CAPG: variants seen among roughly 807,000 people sequenced by gnomAD.
CAPG encodes the protein macrophage-capping protein.
A neutral mutation model predicts 44.6 loss-of-function variants in CAPG; 32 were observed. The ratio of observed to expected loss-of-function variants is 0.72; its 90% CI spans 0.54 to 0.96. CAPG has a LOEUF of 0.96. Among genes scored for constraint, CAPG ranks in the 50% least tolerant of loss-of-function variants. The probability of loss-of-function intolerance (pLI) is 0.00; values close to 1 mark genes in which losing one functional copy is unlikely to be tolerated. For missense variants in CAPG, 412 were observed against 438.3 expected (o/e 0.94, Z 0.54); for synonymous variants, 175 against 179.6 (o/e 0.97, Z 0.20).
chr2:85,413,218 A>G (rs1278203444), upstream of CAPG: 1 of 152,134 alleles, frequency 6.6e-6, no homozygotes, highest in African/African-American at 2.4e-5. Flanking sequence ...TGTTCCTCAC[A>G]CTCAGCTGTC....
upstream of CAPG, among the ~76,000 whole-genome samples, chr2:85,411,768 C>T (rs551217700): frequency 1.6e-4 from 25 of 152,272 alleles, no homozygotes; most frequent in South Asian, 5.2e-3. Flanking sequence ...GGAGAAAATA[C>T]AGTACTGGAT....
chr2:85,400,660 T>C (rs2104804369), intron 5 of CAPG, among the ~76,000 whole-genome samples: 1 of 152,152 alleles, frequency 6.6e-6, no homozygotes, highest in East Asian at 1.9e-4. Flanking sequence ...ATAGGTCTAG[T>C]CCAATGTCAC....
At chr2:85,412,220 AG>A (rs1183251886), upstream of CAPG, among the ~76,000 whole-genome samples, 1 of 152,116 alleles carries the variant, frequency 6.6e-6, no homozygotes, top group Non-Finnish European at 1.5e-5. Context: ...GCTTAAAAAT[AG>A]GGTAATATGG....
chr2:85,399,419 A>T, intron 5 of CAPG, 134 bp from the exon 6 acceptor site: 1 of 900,064 alleles, frequency 1.1e-6, no homozygotes, highest in Non-Finnish European at 1.7e-6. Context: ...AAGGCAGAGC[A>T]CAGCACAGAG....
upstream of CAPG, among the ~76,000 whole-genome samples, chr2:85,412,710 GA>G (rs1558739805): frequency 6.6e-6 from 1 of 151,316 alleles, no homozygotes. Flanking sequence ...GTTTAAAAAA[GA>G]AAAAAAAGGA....
chr2:85,417,091 G>C (rs1407395479), intron 1 of CAPG, among the ~76,000 whole-genome samples: 1 of 152,208 alleles, frequency 6.6e-6, no homozygotes, highest in Non-Finnish European at 1.5e-5. Flanking sequence ...CCTGGGGAGG[G>C]CACCAGGTGC....
At position 85,401,850 on chromosome 2, in the gene CAPG, G is replaced by A. The variant is rs373269135; in HGVS notation, c.131C>T (p.Ser44Leu). The change falls in exon 3 of 10, where the codon TCG becomes TTG. Residue 44 changes from serine to leucine, a missense_variant. Physicochemically the swap from Ser to Leu is moderately radical, Grantham distance 145 (BLOSUM62 -2). Transcript: ENST00000263867. ...VAQENQGVFF[S>L]GDSYLVLHNG... ...GTGCAGCACTAGGTAGGAGTCCCCC[G>A]AGAAGAAGACGCCCTGGTTCTCTTG... The A allele has an allele frequency of 5.1e-5, 83 of 1,614,068 alleles. No individual in the cohort carries two copies. The highest frequency in any genetic ancestry group is 1.3e-4 in the East Asian group (6 of 44,858).
intron 2 of CAPG, 76 bp downstream of exon 2, chr2:85,402,047 G>C: frequency 6.2e-7 from 1 of 1,608,770 alleles, no homozygotes; most frequent in Non-Finnish European, 8.5e-7. Flanking sequence ...CTGGGGATGA[G>C]GAGAGCAGTG....
downstream of CAPG, among the ~76,000 whole-genome samples, chr2:85,392,166 G>A (rs1174334326): frequency 1.3e-5 from 2 of 152,176 alleles, no homozygotes; most frequent in Admixed American, 6.5e-5. Context: ...CGAGGCGGGT[G>A]GATCACGAGG....
At position 85,402,219 on chromosome 2, in the gene CAPG, GGC is replaced by G. The variant is rs979709008; in HGVS notation, c.-13-63_-13-62del. The G allele has an allele frequency of 2.5e-5, 34 of 1,387,542 alleles. No homozygotes were observed. In the African/African-American group the frequency reaches 4.3e-4, roughly 18 times the overall value. The allele number at this position is 1,387,542 out of a possible 1,614,324, so 86.0% of individuals were successfully genotyped here. A position where few individuals can be genotyped will look rare whatever the true frequency, so the allele number is the denominator to read the frequency against. On this transcript the variant is annotated intron_variant, in intron 1 of 9. Coordinates refer to ENST00000263867, the MANE Select transcript of CAPG (RefSeq NM_001747.4). The stretch of plus-strand genomic sequence containing the variant: ...GCCACAAAAAGGACCTCTCACGTGG[GGC>G]TGGAGAGGCCCTTTCCAGTGGCCAA...
intron 7 of CAPG, 151 bp downstream of exon 7, chr2:85,398,539 T>G: frequency 1.5e-6 from 1 of 667,542 alleles, no homozygotes; most frequent in Non-Finnish European, 2.6e-6. Context: ...CTTGTCTCAC[T>G]CCCAGCCCTG....
chr2:85,401,776 T>G lies in CAPG; in HGVS notation c.196+9A>C. ...TGGGCCCAACCTTCCCCCATCCAGA[T>G]CCCCTTACCTATCCACAGGTGCAGA... On this transcript the variant is annotated intron_variant, in intron 3 of 9. Coordinates refer to ENST00000263867, the MANE Select transcript of CAPG (RefSeq NM_001747.4). 6.2e-7 allele frequency: 1 copy of G among 1,612,110 alleles called. No individual in the cohort carries two copies. Among genetic ancestry groups the G allele is most frequent in the South Asian group, 1.1e-5 (1 of 91,016 alleles).
chr2:85,406,260 AAAAAG>A (rs1408644499), intron 1 of CAPG, among the ~76,000 whole-genome samples: 14 of 127,388 alleles, frequency 1.1e-4, no homozygotes, highest in Middle Eastern at 3.5e-3. Flanking sequence ...TCAAAAAAAA[AAAAAG>A]AAAAGAAAGG....
rs988737439 is a variant in CAPG, at chr2:85,395,748, C to G, written c.893-122G>C. The G allele has an allele frequency of 1.0e-4, 68 of 670,916 alleles. No individual in the cohort carries two copies. The highest frequency in any genetic ancestry group is 1.8e-4 in the Non-Finnish European group (67 of 382,412). The allele number at this position is 670,916 out of a possible 1,614,324, so 41.6% of individuals were successfully genotyped here. ...CCAGCAATTTTTACAATAAATGGACCAGGGGTCCCAAGAATGCCGAGGGGC... is the reference window on the plus strand; with the variant it reads ...CCAGCAATTTTTACAATAAATGGACGAGGGGTCCCAAGAATGCCGAGGGGC... On this transcript the variant is annotated intron_variant, in intron 8 of 9. Coordinates refer to ENST00000263867, the MANE Select transcript of CAPG (RefSeq NM_001747.4). This position sits in a 1 kb window ranked among gnomAD's most constrained non-coding sequence, Gnocchi z 4.3.
upstream of CAPG, chr2:85,413,920 C>T (rs1687492076): frequency 1.3e-5 from 2 of 152,276 alleles, no homozygotes; most frequent in African/African-American, 4.8e-5. Context: ...CCGGCTAAGC[C>T]CGTTCGACCC....
chr2:85,398,916 G>A (rs1376187472), intron 6 of CAPG, 134 bp from the exon 7 acceptor site: 18 of 829,328 alleles, frequency 2.2e-5, no homozygotes, highest in Non-Finnish European at 9.3e-6. Context: ...GGTGAGGTGA[G>A]TGAGGGCTGA....
chr2:85,398,059 G>C lies in CAPG; in HGVS notation c.853C>G (p.Leu285Val). Residue 285 changes from leucine to valine, a missense_variant, in exon 8 of 10, where the codon CTG becomes GTG. Coordinates refer to ENST00000263867, the MANE Select transcript of CAPG (RefSeq NM_001747.4). ...ATCTTGCCACAGAGCCCGTTGTCCA[G>C]CACAAAGCAGTCATCAGATATCAGC... ...ELLISDDCFVLDNGLCGKIYI... is the reference protein window; with the variant it reads ...ELLISDDCFVVDNGLCGKIYI... 6.2e-7 allele frequency: 1 copy of C among 1,614,070 alleles called. No homozygotes were observed. The highest frequency in any genetic ancestry group is 1.3e-5 in the African/African-American group (1 of 75,028).
chr2:85,401,370 C>T lies in CAPG; in HGVS notation c.352-41G>A, dbSNP rs1047501405. 1.9e-6 allele frequency: 3 copies of T among 1,602,790 alleles called. No individual in the cohort carries two copies. The Admixed American group carries it at 5.0e-5, about 27-fold the overall frequency. ...CCCATCTGAGTGGACTGACAGGAGA[C>T]CCAGAGCCCTCTGCACCCCATCCCA... On this transcript the variant is annotated intron_variant, in intron 4 of 9. Coordinates refer to ENST00000263867, the MANE Select transcript of CAPG (RefSeq NM_001747.4).
chr2:85,412,534 T>C (rs1276239805), upstream of CAPG, among the ~76,000 whole-genome samples: 2 of 151,702 alleles, frequency 1.3e-5, no homozygotes. Context: ...ATAATAACAA[T>C]AATAATAGGG....
Sources: allele counts gnomAD v4.1 joint callset (sites outside exome capture counted in the v4.1 genomes callset), GRCh38; gene constraint gnomAD v4.1.1; non-coding constraint Gnocchi (gnomAD v3.1); transcripts MANE v1.5; gene names NCBI Gene and HGNC (gene_info 2026-07-23, HGNC 2026-07-21).